Variants in STARD13 observed in about 807,000 individuals in gnomAD.
STARD13 encodes stAR-related lipid transfer protein 13.
A neutral mutation model predicts 106.4 loss-of-function variants in STARD13; 62 were observed. The ratio of observed to expected loss-of-function variants is 0.58; its 90% CI spans 0.48 to 0.72. STARD13 has a LOEUF of 0.72. Ranked by LOEUF, STARD13 falls within the 30% of genes least tolerant of loss-of-function variation. STARD13 has a pLI of 0.00. For missense variants in STARD13, 1,387 were observed against 1,424.0 expected (o/e 0.97, Z 0.42); for synonymous variants, 565 against 553.0 (o/e 1.02, Z -0.31).
At chr13:33,472,505 G>C in the STARD13 span, among the ~76,000 whole-genome samples, 1 of 152,110 alleles carries the variant, frequency 6.6e-6, no homozygotes, top group African/African-American at 2.4e-5. Context: ...CTACCGACTA[G>C]GTTCCAGTAG....
At chr13:33,235,585 C>T (rs940404970) in intron 1 of STARD13, among the ~76,000 whole-genome samples, 10 of 152,172 alleles carry the variant, frequency 6.6e-5, no homozygotes, top group Admixed American at 4.6e-4. Flanking sequence ...ATAAATGCAA[C>T]TGTTAGGTAT....
intron 9 of STARD13, 70 bp from the exon 10 acceptor site, chr13:33,111,962 C>T (rs1874646467): frequency 2.1e-6 from 2 of 972,330 alleles, no homozygotes; most frequent in African/African-American, 1.6e-5. Flanking sequence ...AAACTCATCC[C>T]TTTTGTTTTC....
the STARD13 span, among the ~76,000 whole-genome samples, chr13:33,419,481 A>G: frequency 6.6e-6 from 1 of 152,284 alleles, no homozygotes; most frequent in Non-Finnish European, 1.5e-5. Context: ...AAAAGACCAA[A>G]TCTACATTTG....
At chr13:33,429,742 TAGA>T in the STARD13 span, among the ~76,000 whole-genome samples, 1 of 151,590 alleles carries the variant, frequency 6.6e-6, no homozygotes. Context: ...ACATAGAGAG[TAGA>T]AGGATGGTTA....
the STARD13 span, among the ~76,000 whole-genome samples, chr13:33,653,446 C>A: frequency 2.0e-5 from 3 of 152,084 alleles, no homozygotes; most frequent in Non-Finnish European, 4.4e-5. Context: ...GCCTTTTCAA[C>A]AAATGATGCT....
At chr13:33,125,988 G>GATAT in intron 7 of STARD13, 93 bp downstream of exon 7, 1 of 1,408,182 alleles carries the variant, frequency 7.1e-7, no homozygotes, top group Non-Finnish European at 9.8e-7. Context: ...TGTCTTGCCT[G>GATAT]ATATTGGGCA....
chr13:33,363,682 CTTCTT>C, the STARD13 span, among the ~76,000 whole-genome samples: 5 of 152,204 alleles, frequency 3.3e-5, no homozygotes, highest in Non-Finnish European at 7.3e-5. Flanking sequence ...CACACTGACT[CTTCTT>C]TTCTAAAGTT....
chr13:33,116,176 T>A (rs951810262), intron 8 of STARD13, among the ~76,000 whole-genome samples: 2 of 152,192 alleles, frequency 1.3e-5, no homozygotes, highest in African/African-American at 2.4e-5. Context: ...ACTTTGTATG[T>A]CTGCCATACA....
chr13:33,163,456 G>A (rs1882875594), intron 3 of STARD13, among the ~76,000 whole-genome samples: 1 of 151,194 alleles, frequency 6.6e-6, no homozygotes, highest in African/African-American at 2.4e-5. Flanking sequence ...CAGGTGTGGT[G>A]GCATATGCCT....
the STARD13 span, among the ~76,000 whole-genome samples, chr13:33,443,859 A>G: frequency 1.5e-4 from 22 of 148,832 alleles, no homozygotes; most frequent in South Asian, 4.1e-3. Flanking sequence ...ACTGCACTCC[A>G]GCCTGGGCAA....
chr13:33,514,559 G>C, the STARD13 span, among the ~76,000 whole-genome samples: 1 of 152,130 alleles, frequency 6.6e-6, no homozygotes, highest in Admixed American at 6.6e-5. Flanking sequence ...GTTGAGGGCA[G>C]TGTTTAACAG....
the STARD13 span, among the ~76,000 whole-genome samples, chr13:33,437,012 GGGA>G: frequency 6.6e-6 from 1 of 152,068 alleles, no homozygotes; most frequent in Non-Finnish European, 1.5e-5. Flanking sequence ...ATTCTGTTAA[GGGA>G]GGAGACCACC....
At chr13:33,442,893 G>A in the STARD13 span, among the ~76,000 whole-genome samples, 1 of 152,070 alleles carries the variant, frequency 6.6e-6, no homozygotes, top group Non-Finnish European at 1.5e-5. Context: ...GGATTATATA[G>A]CAATATTTTA....
intron 1 of STARD13, among the ~76,000 whole-genome samples, chr13:33,318,249 C>T (rs1306011624): frequency 6.6e-6 from 1 of 152,186 alleles, no homozygotes; most frequent in East Asian, 1.9e-4. Flanking sequence ...AATTGACTCA[C>T]TCATTCTGAC....
chr13:33,306,170 C>A (rs1892896798), intron 1 of STARD13, among the ~76,000 whole-genome samples: 1 of 152,096 alleles, frequency 6.6e-6, no homozygotes, highest in Admixed American at 6.6e-5. Context: ...AGAAATAAGA[C>A]CGCACATCTA....
At chr13:33,346,492 T>C (rs985948745), downstream of STARD13, among the ~76,000 whole-genome samples, 2 of 152,158 alleles carry the variant, frequency 1.3e-5, no homozygotes, top group Admixed American at 6.5e-5. Context: ...ACAAGACAGC[T>C]TTTCATGAAG....
At chr13:33,627,898 G>A in the STARD13 span, among the ~76,000 whole-genome samples, 1 of 151,780 alleles carries the variant, frequency 6.6e-6, no homozygotes, top group Non-Finnish European at 1.5e-5. Flanking sequence ...ATTGGAGAAA[G>A]TCCCACCACT....
At chr13:33,138,697 C>T (rs1593940785) in intron 4 of STARD13, 7 of 321,232 alleles carry the variant, frequency 2.2e-5, no homozygotes, top group South Asian at 5.1e-5. Flanking sequence ...GTGGAGAGCC[C>T]GAGCTGCAGG....
intron 3 of STARD13, among the ~76,000 whole-genome samples, chr13:33,163,113 G>T (rs924619473): frequency 2.0e-5 from 3 of 152,080 alleles, no homozygotes; most frequent in African/African-American, 7.2e-5. Context: ...AAAGCAGAAA[G>T]ATCTGATAAA....
Sources: gnomAD v4.1 joint callset for allele counts (sites outside exome capture counted in the v4.1 genomes callset) on GRCh38, gnomAD v4.1.1 for gene constraint, MANE v1.5 for transcripts, NCBI Gene and HGNC (gene_info 2026-07-23, HGNC 2026-07-21) for gene names.